OR14J1: variants seen among roughly 807,000 people sequenced by gnomAD.
OR14J1 encodes the protein olfactory receptor 14J1.
For synonymous variants in OR14J1, 140 were observed against 146.7 expected, an observed-to-expected ratio of 0.95 and a Z score of 0.33; for missense variants, 378 against 393.4, an observed-to-expected ratio of 0.96 and a Z score of 0.33.
intron 1 of OR14J1, among the ~76,000 whole-genome samples, chr6:29,302,892 G>A (rs1210309462): frequency 7.6e-6 from 1 of 131,648 alleles, no homozygotes; most frequent in Non-Finnish European, 1.6e-5. Context: ...GTGACAGCAA[G>A]ATGTAATAAC....
intron 1 of OR14J1, among the ~76,000 whole-genome samples, chr6:29,304,796 A>G (rs1477125565): frequency 1.3e-5 from 2 of 152,194 alleles, no homozygotes; most frequent in Admixed American, 6.5e-5. Context: ...TCTATGGAGA[A>G]ACCTTAATGG....
At chr6:29,305,541 T>C (rs1012814536) in intron 1 of OR14J1, among the ~76,000 whole-genome samples, 3 of 152,138 alleles carry the variant, frequency 2.0e-5, no homozygotes, top group Non-Finnish European at 4.4e-5. Context: ...GTGAAAATGA[T>C]ACTGATTGAC....
chr6:29,302,682 G>A (rs1214032104), intron 1 of OR14J1, among the ~76,000 whole-genome samples: 1 of 152,186 alleles, frequency 6.6e-6, no homozygotes, highest in Non-Finnish European at 1.5e-5. Context: ...GCATTGTAAA[G>A]ATATTGTTTG....
Position 29,306,788 on chromosome 6 carries a change from C to A in OR14J1, c.99C>A (p.Tyr33Ter), listed in dbSNP as rs763505322. Residue 33 changes from tyrosine (Y) to a stop codon, truncating the protein, a stop_gained, in exon 2 of 2, where the codon TAC becomes TAA. Coordinates refer to ENST00000641895, the MANE Select transcript of OR14J1 (RefSeq NM_030946.2). LOFTEE classifies it low-confidence loss of function (END_TRUNC). The stretch of plus-strand genomic sequence containing the variant: ...ATGCATTGGTATTTCTGGTGACATA[C>A]CTGCTGGCCTTGACAGGCAACCTCC... ...ILHALVFLVT[Y>*]LLALTGNLLI... 6.2e-7 allele frequency: 1 copy of A among 1,612,972 alleles called. No homozygotes were observed.
At position 29,307,353 on chromosome 6, in the gene OR14J1, A is replaced by G. The variant is rs560210000; in HGVS notation, c.664A>G (p.Thr222Ala). Residue 222 changes from threonine to alanine, a missense_variant, in exon 2 of 2, where the codon ACA (threonine) becomes GCA (alanine). Physicochemically the swap from Thr to Ala is moderately conservative, Grantham distance 58 (BLOSUM62 0). Transcript: ENST00000641895. ...IVLSYIRIFS[T>A]VLRIPSAEGR... ...GCTCTCCTACATTCGCATCTTCTCTACAGTGCTGAGAATCCCATCAGCTGA... is the reference window on the plus strand; with the variant it reads ...GCTCTCCTACATTCGCATCTTCTCTGCAGTGCTGAGAATCCCATCAGCTGA... The G allele has an allele frequency of 1.8e-4, 296 of 1,613,040 alleles. 3 individuals carry two copies. The South Asian group carries it at 2.9e-3, about 16-fold the overall frequency.
In OR14J1 at chr6:29,307,133, T is replaced by C; in HGVS notation, c.444T>C (p.Ile148=). ...ACRHAVIAVW[I]AGGLSGLMHA... is the part of the protein sequence containing the mutation. ...GGCATGCAGTGATAGCTGTGTGGATTGCTGGGGGCCTCTCTGGGCTCATGC... is the reference window on the plus strand; with the variant it reads ...GGCATGCAGTGATAGCTGTGTGGATCGCTGGGGGCCTCTCTGGGCTCATGC... Residue 148 remains isoleucine (I), a synonymous_variant, in exon 2 of 2, where the codon ATT becomes ATC. Transcript: ENST00000641895. The C allele has an allele frequency of 6.2e-7, 1 of 1,612,910 alleles. No individual in the cohort carries two copies. Among genetic ancestry groups the C allele is most frequent in the Non-Finnish European group, 8.5e-7 (1 of 1,179,980 alleles).
At chr6:29,302,271 T>G (rs1774771411) in intron 1 of OR14J1, among the ~76,000 whole-genome samples, 1 of 146,834 alleles carries the variant, frequency 6.8e-6, no homozygotes, top group South Asian at 2.2e-4. Flanking sequence ...CTCCGCCTCC[T>G]GGGTTCAAAC....
At position 29,307,812 on chromosome 6, in the gene OR14J1, G is replaced by T; in HGVS notation, c.*157G>T. ...AAGATGTTGTGCTCTAATAATATTA[G>T]CTTTCCTTCCTCCCTCCAATTCAAG... On this transcript the variant is annotated 3_prime_UTR_variant, in exon 2 of 2. Coordinates refer to ENST00000641895, the MANE Select transcript of OR14J1 (RefSeq NM_030946.2). 1 of 507,670 alleles carries T rather than the reference G, an allele frequency of 2.0e-6. No homozygotes were observed. Among genetic ancestry groups the T allele is most frequent in the South Asian group, 4.1e-5 (1 of 24,230 alleles). The allele number at this position is 507,670 out of a possible 1,614,324, so 31.4% of individuals were successfully genotyped here.
Position 29,307,513 on chromosome 6 carries a change from T to C in OR14J1, c.824T>C (p.Phe275Ser). The change falls in exon 2 of 2, where the codon TTC (phenylalanine) becomes TCC (serine). Residue 275 changes from phenylalanine to serine, a missense_variant. Coordinates refer to ENST00000641895, the MANE Select transcript of OR14J1 (RefSeq NM_030946.2). ...SSTVDLVFSV[F>S]YTVIPPTLNP... is the part of the protein sequence containing the mutation. ...ACTGTGGACCTTGTATTCTCCGTAT[T>C]CTATACTGTGATACCTCCAACACTC... is the stretch of plus-strand genomic sequence containing the variant. 1 of 1,612,974 alleles carries C rather than the reference T, an allele frequency of 6.2e-7. No homozygotes were observed. The highest frequency in any genetic ancestry group is 8.5e-7 in the Non-Finnish European group (1 of 1,179,954).
intron 1 of OR14J1, 119 bp from the exon 2 acceptor site, chr6:29,306,543 G>A (rs529738245): frequency 8.7e-5 from 57 of 655,690 alleles, no homozygotes; most frequent in Non-Finnish European, 1.4e-4. Flanking sequence ...TTAACTAATC[G>A]CAATGAAAAT....
intron 1 of OR14J1, among the ~76,000 whole-genome samples, 190 bp from the exon 2 acceptor site, chr6:29,306,472 T>A (rs1345029214): frequency 2.6e-5 from 4 of 152,242 alleles, no homozygotes; most frequent in African/African-American, 9.6e-5. Context: ...GTTTATGACT[T>A]GTTGATCACA....
rs1775543202 is a variant in OR14J1, at chr6:29,311,942, G to A, written c.*4287G>A. 1 of 152,070 alleles carries A rather than the reference G, an allele frequency of 6.6e-6. No individual in the cohort carries two copies. Among genetic ancestry groups the A allele is most frequent in the Non-Finnish European group, 1.5e-5 (1 of 68,018 alleles). The allele number at this position is 152,070 out of a possible 1,614,324, so 9.4% of individuals were successfully genotyped here. A position where few individuals can be genotyped will look rare whatever the true frequency, so the allele number is the denominator to read the frequency against. ...CCTGATGGTAGTTTCTATTTCTGTG[G>A]GATCAGCAGTGATATGCCATTTATC... On this transcript the variant is annotated 3_prime_UTR_variant, in exon 2 of 2. Coordinates refer to ENST00000641895, the MANE Select transcript of OR14J1 (RefSeq NM_030946.2).
At chr6:29,306,517 G>A in intron 1 of OR14J1, 145 bp from the exon 2 acceptor site, 2 of 620,918 alleles carry the variant, frequency 3.2e-6, no homozygotes, top group South Asian at 2.1e-5. Flanking sequence ...TTGCTAAAAC[G>A]TTTTTGAATT....
chr6:29,311,493 G>A lies in OR14J1; in HGVS notation c.*3838G>A, dbSNP rs1184081481. 6.6e-6 allele frequency: 1 copy of A among 152,166 alleles called. No homozygotes were observed. The highest frequency in any genetic ancestry group is 1.5e-5 in the Non-Finnish European group (1 of 68,042). The allele number at this position is 152,166 out of a possible 1,614,324, so 9.4% of individuals were successfully genotyped here. A position where few individuals can be genotyped will look rare whatever the true frequency, so the allele number is the denominator to read the frequency against. ...TCATGGTAGATGAGCTTTTTGATGT[G>A]CTGCTGGATTCGGTTTGCCAGTATT... On this transcript the variant is annotated 3_prime_UTR_variant, in exon 2 of 2. Coordinates refer to ENST00000641895, the MANE Select transcript of OR14J1 (RefSeq NM_030946.2).
At position 29,307,504 on chromosome 6, in the gene OR14J1, T is replaced by C. The variant is rs766375996; in HGVS notation, c.815T>C (p.Phe272Ser). Residue 272 changes from phenylalanine (F) to serine (S), a missense_variant, in exon 2 of 2, where the codon TTC (phenylalanine) becomes TCC (serine). Transcript: ENST00000641895. Reference protein sequence around the residue: ...SDSSSTVDLVFSVFYTVIPPT... With the variant: ...SDSSSTVDLVSSVFYTVIPPT... ...TCCTCATCGACTGTGGACCTTGTAT[T>C]CTCCGTATTCTATACTGTGATACCT... The C allele has an allele frequency of 3.7e-6, 6 of 1,612,862 alleles. No individual in the cohort carries two copies. The highest frequency in any genetic ancestry group is 5.1e-6 in the Non-Finnish European group (6 of 1,179,996).
At chr6:29,302,169 T>TTTTTTTTTC (rs1354234939) in intron 1 of OR14J1, among the ~76,000 whole-genome samples, 715 of 30,894 alleles carry the variant, frequency 0.023, 7 homozygotes, top group Non-Finnish European at 0.042. Context: ...ATTTTTTTTC[T>TTTTTTTTTC]TTTTTTTTTC....
In OR14J1 at chr6:29,309,982, G is replaced by C. The variant is rs1775394073; in HGVS notation, c.*2327G>C. The C allele has an allele frequency of 6.6e-6, 1 of 152,136 alleles. No homozygotes were observed. Among genetic ancestry groups the C allele is most frequent in the South Asian group, 2.1e-4 (1 of 4,826 alleles). The allele number at this position is 152,136 out of a possible 1,614,324, so 9.4% of individuals were successfully genotyped here. A position where few individuals can be genotyped will look rare whatever the true frequency, so the allele number is the denominator to read the frequency against. ...TTGTTTGTTTTTTTCTTGTAAATTT[G>C]TTTAAATTCTTTGTAGATTCTGGAT... On this transcript the variant is annotated 3_prime_UTR_variant, in exon 2 of 2. Transcript: ENST00000641895.
rs1424341222 is a variant in OR14J1 at position 29,307,152 on chromosome 6, C to G, written c.463C>G (p.Leu155Val). The change falls in exon 2 of 2, where the codon CTC (leucine) becomes GTC (valine). Residue 155 changes from leucine (L) to valine (V), a missense_variant. Transcript: ENST00000641895. The stretch of plus-strand genomic sequence containing the variant: ...GTGGATTGCTGGGGGCCTCTCTGGG[C>G]TCATGCATGCTGCCATTAACTTCTC... ...AVWIAGGLSG[L>V]MHAAINFSIP... The G allele has an allele frequency of 1.2e-6, 2 of 1,612,888 alleles. No individual in the cohort carries two copies. The highest frequency in any genetic ancestry group is 1.3e-5 in the African/African-American group (1 of 74,988).
At chr6:29,306,333 G>A (rs948393901) in intron 1 of OR14J1, among the ~76,000 whole-genome samples, 1 of 152,096 alleles carries the variant, frequency 6.6e-6, no homozygotes, top group African/African-American at 2.4e-5. Flanking sequence ...GTAATACTAA[G>A]GCATCATATA....
Sources: allele counts gnomAD v4.1 joint callset (sites outside exome capture counted in the v4.1 genomes callset), GRCh38; gene constraint gnomAD v4.1.1; transcripts MANE v1.5; gene names NCBI Gene and HGNC (gene_info 2026-07-23, HGNC 2026-07-21).